Variants in FBXO34 observed in about 807,000 individuals in gnomAD.
FBXO34 encodes F-box only protein 34.
Under a neutral mutation model 24.5 loss-of-function variants are expected in FBXO34, and 12 were observed. That is an observed-to-expected ratio of 0.49 (90% CI 0.31 to 0.79). The LOEUF (loss-of-function observed/expected upper bound fraction) is 0.79, where lower values mean the gene tolerates loss of function less well. Among genes scored for constraint, FBXO34 ranks in the 30% least tolerant of loss-of-function variants. The pLI, the probability that FBXO34 is intolerant of heterozygous loss-of-function variation, is 0.04. For synonymous variants in FBXO34, 320 were observed against 311.9 expected, an observed-to-expected ratio of 1.03 and a Z score of -0.27; for missense variants, 823 against 857.7, an observed-to-expected ratio of 0.96 and a Z score of 0.51.
intron 1 of FBXO34, among the ~76,000 whole-genome samples, chr14:55,312,325 G>A (rs1379533642): frequency 2.6e-5 from 4 of 152,218 alleles, no homozygotes; most frequent in African/African-American, 9.6e-5. Flanking sequence ...TGGCTCTGCA[G>A]GGTACAGCCC....
the FBXO34 span, among the ~76,000 whole-genome samples, chr14:55,432,024 A>G: frequency 6.6e-6 from 1 of 152,236 alleles, no homozygotes; most frequent in East Asian, 1.9e-4. Context: ...AATACTGTGC[A>G]CAAATGCCTT....
At chr14:55,371,576 G>A (rs889712169), downstream of FBXO34, among the ~76,000 whole-genome samples, 1 of 151,950 alleles carries the variant, frequency 6.6e-6, no homozygotes, top group Non-Finnish European at 1.5e-5. Flanking sequence ...GGAGGCTGCG[G>A]CGGGCAGATC....
chr14:55,298,662 G>T, intron 1 of FBXO34: 3 of 1,531,122 alleles, frequency 2.0e-6, no homozygotes, highest in African/African-American at 1.4e-5. Flanking sequence ...GGCTGGAGGG[G>T]GTAAGGCCGG....
chr14:55,350,262 A>T, intron 1 of FBXO34, 119 bp from the exon 2 acceptor site: 1 of 643,682 alleles, frequency 1.6e-6, no homozygotes, highest in Non-Finnish European at 2.5e-6. Flanking sequence ...TAAAGATTTA[A>T]TGAACTGGTA....
chr14:55,306,797 C>T (rs144899601), intron 1 of FBXO34, among the ~76,000 whole-genome samples: 1 of 151,808 alleles, frequency 6.6e-6, no homozygotes, highest in African/African-American at 2.4e-5. Context: ...TGCATCACGG[C>T]AGTTCAGCCT....
At chr14:55,441,735 T>C in the FBXO34 span, among the ~76,000 whole-genome samples, 1 of 152,214 alleles carries the variant, frequency 6.6e-6, no homozygotes, top group South Asian at 2.1e-4. Context: ...CTTAACTGTG[T>C]AGAACAACTT....
intron 1 of FBXO34, among the ~76,000 whole-genome samples, chr14:55,333,136 C>G (rs1294439262): frequency 1.3e-5 from 2 of 152,166 alleles, no homozygotes; most frequent in Non-Finnish European, 2.9e-5. Context: ...AAGCTGGACC[C>G]ACAAGACACA....
At position 55,286,587 on chromosome 14, in the gene FBXO34, T is replaced by A. The variant is rs148716336; in HGVS notation, c.-11+15050T>A. Reference sequence around the variant, plus strand: ...CTTTATGGAATAATACAGATAACTGTATTGGAAAGTGTAGTGTTTGCCCTC... The same window carrying A: ...CTTTATGGAATAATACAGATAACTGAATTGGAAAGTGTAGTGTTTGCCCTC... On this transcript the variant is annotated intron_variant, in intron 1 of 1. Coordinates refer to ENST00000313833, the MANE Select transcript of FBXO34 (RefSeq NM_017943.4). Among the ~76,000 whole-genome samples the A allele has an allele frequency of 6.8e-3, 1,043 of 152,308 alleles. 4 individuals carry two copies. Among genetic ancestry groups the A allele is most frequent in the Non-Finnish European group, 0.01 (709 of 68,012 alleles).
the FBXO34 span, among the ~76,000 whole-genome samples, chr14:55,403,203 G>T: frequency 6.6e-6 from 1 of 151,568 alleles, no homozygotes; most frequent in African/African-American, 2.4e-5. Context: ...TTGGTAAAGG[G>T]ATTAAAAAAA....
At chr14:55,375,490 A>AATTTTTTTTTTTTTTTT in the FBXO34 span, among the ~76,000 whole-genome samples, 5 of 117,798 alleles carry the variant, frequency 4.2e-5, no homozygotes, top group Non-Finnish European at 3.4e-5. Context: ...GCCGGGCTAA[A>AATTTTTTTTTTTTTTTT]TTTTTTTTTT....
chr14:55,358,402 A>G (rs781222190), downstream of FBXO34, among the ~76,000 whole-genome samples: 1 of 152,142 alleles, frequency 6.6e-6, no homozygotes, highest in Non-Finnish European at 1.5e-5. Context: ...TGCAGGGCCC[A>G]TGGCAGGAAC....
At chr14:55,416,815 A>C in the FBXO34 span, among the ~76,000 whole-genome samples, 1 of 152,196 alleles carries the variant, frequency 6.6e-6, no homozygotes, top group African/African-American at 2.4e-5. Context: ...CCCCTCTCCC[A>C]AAATCCCCAA....
At chr14:55,426,935 G>A in the FBXO34 span, among the ~76,000 whole-genome samples, 1 of 147,236 alleles carries the variant, frequency 6.8e-6, no homozygotes, top group Non-Finnish European at 1.5e-5. Flanking sequence ...GGACACTTGG[G>A]AAGAACCACA....
the FBXO34 span, among the ~76,000 whole-genome samples, chr14:55,387,467 C>T: frequency 6.6e-6 from 1 of 152,136 alleles, no homozygotes; most frequent in Non-Finnish European, 1.5e-5. Flanking sequence ...TTTTGCTCTT[C>T]GGAACCCTAT....
intron 1 of FBXO34, among the ~76,000 whole-genome samples, chr14:55,294,203 A>G (rs1882044684): frequency 6.6e-6 from 1 of 151,978 alleles, no homozygotes; most frequent in East Asian, 1.9e-4. Flanking sequence ...ACTTATTATG[A>G]CTATTGTCTC....
the FBXO34 span, among the ~76,000 whole-genome samples, chr14:55,409,553 C>G: frequency 7.1e-6 from 1 of 141,704 alleles, no homozygotes; most frequent in South Asian, 2.3e-4. Context: ...AACGTATGAG[C>G]AGGCACCTAA....
chr14:55,365,276 T>G (rs2140108044), downstream of FBXO34, among the ~76,000 whole-genome samples: 1 of 150,582 alleles, frequency 6.6e-6, no homozygotes, highest in South Asian at 2.1e-4. Context: ...GTTGCGCAAG[T>G]TGGCCTTGAA....
At chr14:55,298,874 C>T (rs943939362) in intron 1 of FBXO34, 89 of 1,606,430 alleles carry the variant, frequency 5.5e-5, no homozygotes, top group Admixed American at 1.0e-4. Flanking sequence ...TATCAACCAT[C>T]GAGTTCCAGC....
Position 55,350,826 on chromosome 14 carries a change from A to G in FBXO34, c.436A>G (p.Arg146Gly), listed in dbSNP as rs1884332875. 6.2e-7 allele frequency: 1 copy of G among 1,612,440 alleles called. No homozygotes were observed. Among genetic ancestry groups the G allele is most frequent in the Non-Finnish European group, 8.5e-7 (1 of 1,179,554 alleles). The change falls in exon 2 of 2, where the codon AGA (arginine) becomes GGA (glycine). Residue 146 changes from arginine (R) to glycine (G), a missense_variant. Physicochemically the swap from Arg to Gly is moderately radical, Grantham distance 125. Coordinates refer to ENST00000313833, the MANE Select transcript of FBXO34 (RefSeq NM_017943.4). The part of the protein sequence containing the change: ...KIKSSWDIDG[R>G]ATKRRKKSGD... ...AAAAAGTTCCTGGGATATTGATGGGAGAGCTACTAAGAGAAGGAAAAAATC... is the reference window on the plus strand; with the variant it reads ...AAAAAGTTCCTGGGATATTGATGGGGGAGCTACTAAGAGAAGGAAAAAATC...
Sources: gnomAD v4.1 joint callset for allele counts (sites outside exome capture counted in the v4.1 genomes callset) on GRCh38, gnomAD v4.1.1 for gene constraint, MANE v1.5 for transcripts, NCBI Gene and HGNC (gene_info 2026-07-23, HGNC 2026-07-21) for gene names.